Variants in BARX2 observed in about 807,000 individuals in gnomAD.
BARX2 encodes the protein homeobox protein BarH-like 2.
In BARX2, 11 loss-of-function variants were observed where a neutral mutation model predicts 25.5. The observed-to-expected ratio is 0.43, with a 90% CI of 0.27 to 0.71. BARX2 has a LOEUF of 0.71. BARX2 is among the 30% of genes least tolerant of loss of function. The pLI is 0.19. For synonymous variants in BARX2, 137 were observed against 149.5 expected, an observed-to-expected ratio of 0.92 and a Z score of 0.61; for missense variants, 360 against 359.9, an observed-to-expected ratio of 1.00 and a Z score of 0.00.
intron 2 of BARX2, among the ~76,000 whole-genome samples, chr11:129,440,367 T>C (rs1862242370): frequency 6.6e-6 from 1 of 152,208 alleles, no homozygotes; most frequent in Non-Finnish European, 1.5e-5. Context: ...CCTGATGGCC[T>C]CAGGTGAACT....
chr11:129,400,398 C>T (rs567757608), intron 1 of BARX2, among the ~76,000 whole-genome samples: 1 of 152,064 alleles, frequency 6.6e-6, no homozygotes, highest in Non-Finnish European at 1.5e-5. Flanking sequence ...GATGAGAAAA[C>T]CTAAGCTGAA....
intron 1 of BARX2, among the ~76,000 whole-genome samples, chr11:129,377,575 A>G (rs1039109030): frequency 5.3e-5 from 8 of 152,250 alleles, no homozygotes; most frequent in African/African-American, 1.9e-4. Flanking sequence ...TAGAAACAAG[A>G]TAGATCTCCT....
chr11:129,404,939 T>C (rs73569145), intron 1 of BARX2, among the ~76,000 whole-genome samples: 5,088 of 152,314 alleles, frequency 0.033, 113 homozygotes, highest in East Asian at 0.11. Context: ...TAAACATAGA[T>C]GCTGAGTTTG....
rs374870811 is a variant in BARX2 at position 129,418,282 on chromosome 11, C to T, written c.188-18469C>T. Among the ~76,000 whole-genome samples, 25 of 152,330 alleles carry T rather than the reference C, an allele frequency of 1.6e-4. No homozygotes were observed. The East Asian group carries it at 2.9e-3, about 18-fold the overall frequency. On this transcript the variant is annotated intron_variant, in intron 1 of 3. Coordinates refer to ENST00000281437, the MANE Select transcript of BARX2 (RefSeq NM_003658.5). ...ATGGCTCATGGAAAATGAGAAAATA[C>T]CTGAACAGCTGGCTGTAAATCTGAG...
At chr11:129,398,023 T>C (rs1033001454) in intron 1 of BARX2, among the ~76,000 whole-genome samples, 1 of 152,254 alleles carries the variant, frequency 6.6e-6, no homozygotes, top group South Asian at 2.1e-4. Flanking sequence ...TGGATGTCAC[T>C]GTATAAGATG....
chr11:129,402,253 C>T (rs2045399180), intron 1 of BARX2, among the ~76,000 whole-genome samples: 1 of 151,938 alleles, frequency 6.6e-6, no homozygotes, highest in South Asian at 2.1e-4. Flanking sequence ...CTTGAATTCT[C>T]AGTCCCTTAC....
intron 1 of BARX2, among the ~76,000 whole-genome samples, chr11:129,402,403 A>G (rs148512771): frequency 1.3e-5 from 2 of 152,338 alleles, no homozygotes; most frequent in African/African-American, 4.8e-5. Flanking sequence ...TGTCAGGGAT[A>G]TCATACTATT....
At chr11:129,379,265 C>T (rs1180082935) in intron 1 of BARX2, among the ~76,000 whole-genome samples, 1 of 152,104 alleles carries the variant, frequency 6.6e-6, no homozygotes, top group Non-Finnish European at 1.5e-5. Flanking sequence ...AAGAATGCCT[C>T]CATTTGAAAA....
At chr11:129,426,322 AG>A (rs1862062134) in intron 1 of BARX2, among the ~76,000 whole-genome samples, 1 of 152,042 alleles carries the variant, frequency 6.6e-6, no homozygotes, top group East Asian at 1.9e-4. Flanking sequence ...AGCATAAGAC[AG>A]GGCAAAGTAA....
rs766311561 is a variant in BARX2, at chr11:129,376,111, A to G, written c.76A>G (p.Met26Val). Residue 26 changes from methionine (M) to valine (V), a missense_variant, in exon 1 of 4, where the codon ATG becomes GTG. Met to Val is a conservative substitution (Grantham distance 21, BLOSUM62 1). Transcript: ENST00000281437. This position sits in a 1 kb window ranked among gnomAD's most constrained non-coding sequence, Gnocchi z 4.2. ...KAARRRYKTF[M>V]IDEILSKETC... ...AGCCAGGCGGCGCTACAAGACTTTC[A>G]TGATCGACGAGATCCTCTCCAAGGA... 6.2e-7 allele frequency: 1 copy of G among 1,613,124 alleles called. No homozygotes were observed.
At chr11:129,438,486 G>A (rs1203212662) in intron 2 of BARX2, among the ~76,000 whole-genome samples, 3 of 152,086 alleles carry the variant, frequency 2.0e-5, no homozygotes, top group Non-Finnish European at 4.4e-5. Flanking sequence ...ATACCAGGTT[G>A]GACACCAGTC....
At chr11:129,378,569 T>TC (rs1189810822) in intron 1 of BARX2, among the ~76,000 whole-genome samples, 1 of 146,078 alleles carries the variant, frequency 6.8e-6, no homozygotes, top group Admixed American at 6.8e-5. Context: ...TTTTCTTTTT[T>TC]TTTTTTTTTT....
In BARX2 at chr11:129,411,717, C is replaced by A. The variant is rs149405778; in HGVS notation, c.188-25034C>A. Among the ~76,000 whole-genome samples, 953 of 152,354 alleles carry A rather than the reference C, an allele frequency of 6.3e-3. 15 individuals carry two copies. Among genetic ancestry groups the A allele is most frequent in the African/African-American group, 0.022 (919 of 41,584 alleles). ...CTGGGAGCTGAGCTACTTCTCAGCT[C>A]TGGCCACACGGCAGAATCACCAGGC... On this transcript the variant is annotated intron_variant, in intron 1 of 3. Transcript: ENST00000281437.
Position 129,400,783 on chromosome 11 carries a change from C to T in BARX2, c.187+24561C>T, listed in dbSNP as rs924265498. ...CATCCAGGCAAGAGATGACCCAGGGCGGTGGCAGGCGTGGGTCAAGGATGG... is the reference window on the plus strand; with the variant it reads ...CATCCAGGCAAGAGATGACCCAGGGTGGTGGCAGGCGTGGGTCAAGGATGG... On this transcript the variant is annotated intron_variant, in intron 1 of 3. Transcript: ENST00000281437. Among the ~76,000 whole-genome samples the T allele has an allele frequency of 3.3e-5, 5 of 152,054 alleles. No homozygotes were observed. In the South Asian group the frequency reaches 6.2e-4, roughly 19 times the overall value.
Position 129,399,888 on chromosome 11 carries a change from G to A in BARX2, c.187+23666G>A, listed in dbSNP as rs1302866102. 3.9e-5 allele frequency among the ~76,000 whole-genome samples: 6 copies of A among 152,086 alleles called. No individual in the cohort carries two copies. The South Asian group carries it at 1.2e-3, about 32-fold the overall frequency. On this transcript the variant is annotated intron_variant, in intron 1 of 3. Coordinates refer to ENST00000281437, the MANE Select transcript of BARX2 (RefSeq NM_003658.5). The stretch of plus-strand genomic sequence containing the variant: ...GGCACACTAGTGGTCATGTCTTATG[G>A]GAAGCTGCCTCCCACCCCAGACCTG...
chr11:129,449,218 A>G (rs558824365), intron 3 of BARX2, among the ~76,000 whole-genome samples: 53 of 152,332 alleles, frequency 3.5e-4, no homozygotes, highest in African/African-American at 1.2e-3. Context: ...TCAGAGCTGT[A>G]TACAAAGTAA....
chr11:129,391,195 G>A (rs1443863198), intron 1 of BARX2, among the ~76,000 whole-genome samples: 2 of 152,132 alleles, frequency 1.3e-5, no homozygotes, highest in South Asian at 2.1e-4. Flanking sequence ...GGCCCACTAC[G>A]AATTGTTCTA....
chr11:129,431,317 G>A (rs1394018783), intron 1 of BARX2, among the ~76,000 whole-genome samples: 1 of 152,104 alleles, frequency 6.6e-6, no homozygotes, highest in Non-Finnish European at 1.5e-5. Flanking sequence ...ATATCTGGGG[G>A]GTTTTGCTAG....
chr11:129,380,924 C>G (rs1028403895), intron 1 of BARX2, among the ~76,000 whole-genome samples: 1 of 151,888 alleles, frequency 6.6e-6, no homozygotes, highest in Non-Finnish European at 1.5e-5. Flanking sequence ...TTACAGGCGC[C>G]CATGACCACA....
Sources: allele counts gnomAD v4.1 joint callset (sites outside exome capture counted in the v4.1 genomes callset), GRCh38; gene constraint gnomAD v4.1.1; non-coding constraint Gnocchi (gnomAD v3.1); transcripts MANE v1.5; gene names NCBI Gene and HGNC (gene_info 2026-07-23, HGNC 2026-07-21).